Variants in DGUOK observed in about 807,000 individuals in gnomAD.
DGUOK encodes the protein deoxyguanosine kinase.
DGUOK carries 30 observed loss-of-function variants against 36.6 expected under a neutral mutation model. The observed-to-expected ratio is 0.82, with a 90% CI of 0.61 to 1.11. DGUOK has a LOEUF of 1.11. Among genes scored for constraint, DGUOK ranks in the 50% most tolerant of loss-of-function variants. The pLI is 0.00. For missense variants in DGUOK, 361 were observed against 336.4 expected (o/e 1.07, Z -0.57); for synonymous variants, 145 against 126.3 (o/e 1.15, Z -0.99).
At chr2:73,949,130 T>C (rs1378294555) in intron 3 of DGUOK, among the ~76,000 whole-genome samples, 1 of 152,222 alleles carries the variant, frequency 6.6e-6, no homozygotes, top group African/African-American at 2.4e-5. Context: ...TTTTGTGTTT[T>C]TAGTAGAAAC....
chr2:73,950,001 T>C (rs1682594610), intron 3 of DGUOK, among the ~76,000 whole-genome samples: 1 of 152,218 alleles, frequency 6.6e-6, no homozygotes, highest in South Asian at 2.1e-4. Context: ...GAGTCTGCTT[T>C]CTTAGTAATA....
chr2:73,935,067 CTG>C lies in DGUOK; in HGVS notation c.143-3841_143-3840del, dbSNP rs534288020. On this transcript the variant is annotated intron_variant, in intron 1 of 6. Coordinates refer to ENST00000264093, the MANE Select transcript of DGUOK (RefSeq NM_080916.3). ...CTCCAGCCTGGGCAACAGCTAGACT[CTG>C]TCTCAAAAATAAATAAATAAACAAA... Among the ~76,000 whole-genome samples the C allele has an allele frequency of 5.1e-5, 7 of 137,694 alleles. No individual in the cohort carries two copies. In the Admixed American group the frequency reaches 5.3e-4, roughly 10 times the overall value. 90.3% of individuals were successfully genotyped at this position (137,694 alleles called of 152,430 possible).
intron 4 of DGUOK, among the ~76,000 whole-genome samples, chr2:73,955,374 AT>A (rs1429560942): frequency 6.6e-6 from 1 of 152,218 alleles, no homozygotes; most frequent in African/African-American, 2.4e-5. Flanking sequence ...GGGAATATAA[AT>A]TGGTTAACCT....
At chr2:73,946,944 G>A in intron 3 of DGUOK, 38 bp downstream of exon 3, 1 of 1,558,328 alleles carries the variant, frequency 6.4e-7, no homozygotes, top group South Asian at 1.1e-5. Context: ...CAAGCCCCAT[G>A]CTCAGTGCTG....
chr2:73,957,378 C>A, intron 5 of DGUOK, 138 bp downstream of exon 5: 1 of 739,304 alleles, frequency 1.4e-6, no homozygotes, highest in Non-Finnish European at 2.4e-6. Context: ...CAAGCATTTT[C>A]CAACTCAGAA....
chr2:73,939,343 A>G (rs1681727316), intron 2 of DGUOK, among the ~76,000 whole-genome samples: 1 of 152,242 alleles, frequency 6.6e-6, no homozygotes, highest in Non-Finnish European at 1.5e-5. Flanking sequence ...TTATTACTTA[A>G]GCTAACCACT....
In DGUOK at chr2:73,950,699, AC is replaced by A; in HGVS notation, c.559del (p.His187MetfsTer14). 6.2e-7 allele frequency: 1 copy of A among 1,614,192 alleles called. No individual in the cohort carries two copies. The highest frequency in any genetic ancestry group is 8.5e-7 in the Non-Finnish European group (1 of 1,180,030). ...LWEFASRITLHGFIYLQASPQ... is the reference protein window; with the variant it reads ...LWEFASRITLXGFIYLQASPQ... ...GGGAGTTTGCCAGCCGGATCACATT[AC>A]ATGGCTTCATCTACCTCCAGGCTTC... On this transcript the variant is annotated frameshift_variant, in exon 4 of 7. Coordinates refer to ENST00000264093, the MANE Select transcript of DGUOK (RefSeq NM_080916.3). LOFTEE classifies it high-confidence loss of function.
intron 2 of DGUOK, among the ~76,000 whole-genome samples, chr2:73,940,401 AT>A (rs1284233003): frequency 1.3e-5 from 2 of 151,228 alleles, no homozygotes; most frequent in Non-Finnish European, 3.0e-5. Flanking sequence ...TCTGGGTGCC[AT>A]TTTTTTTTAT....
intron 2 of DGUOK, among the ~76,000 whole-genome samples, chr2:73,945,276 A>G (rs1203506451): frequency 6.6e-6 from 1 of 152,188 alleles, no homozygotes; most frequent in African/African-American, 2.4e-5. Context: ...CACCATCAGT[A>G]ATCGTCCCTT....
intron 4 of DGUOK, among the ~76,000 whole-genome samples, chr2:73,951,214 T>G (rs1682679735): frequency 6.6e-6 from 1 of 152,158 alleles, no homozygotes; most frequent in African/African-American, 2.4e-5. Context: ...CAGGATGGAC[T>G]ATAGCAGTTC....
intron 5 of DGUOK, 70 bp from the exon 6 acceptor site, chr2:73,958,076 C>T (rs1234000142): frequency 8.4e-6 from 10 of 1,189,702 alleles, no homozygotes; most frequent in South Asian, 1.3e-5. Context: ...TAAGACTTGG[C>T]GAGTATGTGA....
At chr2:73,931,557 C>G (rs1681038671) in intron 1 of DGUOK, among the ~76,000 whole-genome samples, 1 of 152,162 alleles carries the variant, frequency 6.6e-6, no homozygotes, top group Admixed American at 6.5e-5. Flanking sequence ...GTCGAAGAGC[C>G]TTGTGGACCA....
intron 2 of DGUOK, among the ~76,000 whole-genome samples, 153 bp downstream of exon 2, chr2:73,939,175 G>T (rs1390732342): frequency 6.6e-6 from 1 of 152,114 alleles, no homozygotes; most frequent in Non-Finnish European, 1.5e-5. Flanking sequence ...CACCAGAGAG[G>T]ATATGACTTG....
At chr2:73,950,776 C>T (rs1682652692) in intron 4 of DGUOK, 44 bp downstream of exon 4, 2 of 1,612,256 alleles carry the variant, frequency 1.2e-6, no homozygotes, top group Non-Finnish European at 8.5e-7. Flanking sequence ...CCATATGAAA[C>T]CTAAGAAGTG....
intron 1 of DGUOK, among the ~76,000 whole-genome samples, chr2:73,934,754 CAA>C (rs70965770): frequency 1.3e-4 from 16 of 122,090 alleles, no homozygotes; most frequent in Non-Finnish European, 1.1e-4. Flanking sequence ...GACTCTGTCT[CAA>C]AAAAAAAAAA....
chr2:73,943,723 C>T (rs1573539712), intron 2 of DGUOK, among the ~76,000 whole-genome samples: 1 of 151,590 alleles, frequency 6.6e-6, no homozygotes, highest in Non-Finnish European at 1.5e-5. Context: ...GATCTCAGCT[C>T]ATTGTAACCT....
At position 73,943,713 on chromosome 2, in the gene DGUOK, G is replaced by A. The variant is rs558375519; in HGVS notation, c.256-3006G>A. ...TGCCCAGGCCAGAGTGCAATGGCAC[G>A]ATCTCAGCTCATTGTAACCTCCGCC... On this transcript the variant is annotated intron_variant, in intron 2 of 6. Transcript: ENST00000264093. Among the ~76,000 whole-genome samples, 4 of 151,088 alleles carry A rather than the reference G, an allele frequency of 2.6e-5. No homozygotes were observed. In the East Asian group the frequency reaches 7.8e-4, roughly 30 times the overall value.
chr2:73,939,043 G>C (rs768441359), intron 2 of DGUOK, 21 bp downstream of exon 2: 1 of 1,515,062 alleles, frequency 6.6e-7, no homozygotes, highest in Non-Finnish European at 9.2e-7. Context: ...AGTTGTGGTG[G>C]GTAGTTGGCA....
chr2:73,945,969 G>A (rs1682270725), intron 2 of DGUOK, among the ~76,000 whole-genome samples: 1 of 151,834 alleles, frequency 6.6e-6, no homozygotes, highest in African/African-American at 2.4e-5. Context: ...GGAGGAGGGC[G>A]GAGGTTGCAG....
Sources: gnomAD v4.1 joint callset for allele counts (sites outside exome capture counted in the v4.1 genomes callset) on GRCh38, gnomAD v4.1.1 for gene constraint, MANE v1.5 for transcripts, NCBI Gene and HGNC (gene_info 2026-07-23, HGNC 2026-07-21) for gene names.